The following RSRC1 variants were observed in gnomAD, a reference collection of about 807,000 sequenced individuals.
RSRC1 encodes the protein serine/Arginine-related protein 53.
Under a neutral mutation model 49.1 loss-of-function variants are expected in RSRC1, and 39 were observed. The observed-to-expected ratio is 0.79, with a 90% confidence interval of 0.61 to 1.04. The LOEUF (loss-of-function observed/expected upper bound fraction) is 1.04. Ranked by LOEUF, RSRC1 falls within the 50% of genes least tolerant of loss-of-function variation. RSRC1 has a pLI of 0.00. For synonymous variants in RSRC1, 143 were observed against 130.8 expected (o/e 1.09, Z -0.63); for missense variants, 388 against 402.4 (o/e 0.96, Z 0.31).
At chr3:158,187,672 A>G (rs1720005684) in intron 3 of RSRC1, among the ~76,000 whole-genome samples, 1 of 152,008 alleles carries the variant, frequency 6.6e-6, no homozygotes, top group Non-Finnish European at 1.5e-5. Flanking sequence ...TTTGACACCT[A>G]TGCTGATCTG....
At chr3:158,527,375 T>A (rs1019800442) in intron 7 of RSRC1, among the ~76,000 whole-genome samples, 2 of 151,930 alleles carry the variant, frequency 1.3e-5, no homozygotes, top group African/African-American at 2.4e-5. Context: ...GATTTTTTTT[T>A]AAATCTCCTT....
chr3:158,441,963 A>G (rs1039599218), intron 6 of RSRC1, among the ~76,000 whole-genome samples: 6 of 152,122 alleles, frequency 3.9e-5, no homozygotes, highest in Non-Finnish European at 8.8e-5. Flanking sequence ...CAAATCACAA[A>G]TTTTTTGATT....
intron 7 of RSRC1, among the ~76,000 whole-genome samples, chr3:158,510,174 G>C (rs1740079104): frequency 6.6e-6 from 1 of 152,090 alleles, no homozygotes; most frequent in South Asian, 2.1e-4. Flanking sequence ...ATCTGATTTT[G>C]ATTTGCAAGG....
At chr3:158,362,865 G>A (rs1215264181) in intron 6 of RSRC1, among the ~76,000 whole-genome samples, 3 of 152,156 alleles carry the variant, frequency 2.0e-5, no homozygotes, top group African/African-American at 7.2e-5. Flanking sequence ...TTTTTTATCA[G>A]TATGAGAAGA....
chr3:158,329,388 A>T (rs565052153), intron 5 of RSRC1, among the ~76,000 whole-genome samples: 5 of 151,898 alleles, frequency 3.3e-5, no homozygotes, highest in South Asian at 4.2e-4. Flanking sequence ...TTGGTTTTTC[A>T]TGATGGTGAC....
chr3:158,116,405 T>C (rs1714815630), intron 1 of RSRC1, among the ~76,000 whole-genome samples: 10 of 152,242 alleles, frequency 6.6e-5, no homozygotes, highest in Admixed American at 6.5e-4. Flanking sequence ...TTCTTCAATA[T>C]ATGGCAGAAG....
rs543658299 is a variant in RSRC1 at position 158,423,158 on chromosome 3, A to G, written c.584-37777A>G. 4.6e-5 allele frequency among the ~76,000 whole-genome samples: 7 copies of G among 152,140 alleles called. No homozygotes were observed. The South Asian group carries it at 1.0e-3, about 23-fold the overall frequency. ...AGACATGAAGTCCTTGCCCATGCCT[A>G]TGTCCTGAATGGTAATGCCTAGGTT... On this transcript the variant is annotated intron_variant, in intron 6 of 9. Coordinates refer to ENST00000611884, the MANE Select transcript of RSRC1 (RefSeq NM_001271838.2).
In RSRC1 at chr3:158,124,000, T is replaced by C. The variant is rs777786784; in HGVS notation, c.320+9T>C. ...AAAAGCAGAACAAGAAGGTATGCCT[T>C]ATTAAGTATTTATTGCTTTGTAACA... On this transcript the variant is annotated intron_variant, in intron 3 of 9. Coordinates refer to ENST00000611884, the MANE Select transcript of RSRC1 (RefSeq NM_001271838.2). 8 of 1,558,630 alleles carry C rather than the reference T, an allele frequency of 5.1e-6. No individual in the cohort carries two copies. In the African/African-American group the frequency reaches 1.1e-4, roughly 21 times the overall value.
intron 6 of RSRC1, among the ~76,000 whole-genome samples, chr3:158,364,793 G>GT (rs1320446998): frequency 1.4e-5 from 2 of 145,110 alleles, no homozygotes; most frequent in Non-Finnish European, 3.0e-5. Context: ...CTGAGCTTCA[G>GT]TTTTTTATTT....
At chr3:158,120,561 T>C (rs1201519896) in intron 1 of RSRC1, among the ~76,000 whole-genome samples, 6 of 144,678 alleles carry the variant, frequency 4.1e-5, no homozygotes, top group Non-Finnish European at 4.5e-5. Context: ...AATATATTAA[T>C]ATTAATATAT....
At chr3:158,267,330 A>G (rs1180048907) in intron 4 of RSRC1, among the ~76,000 whole-genome samples, 1 of 152,046 alleles carries the variant, frequency 6.6e-6, no homozygotes, top group Non-Finnish European at 1.5e-5. Flanking sequence ...ATTTTTGTTC[A>G]TGTTTAGCCA....
At chr3:158,299,189 T>C (rs967797826) in intron 5 of RSRC1, among the ~76,000 whole-genome samples, 3 of 152,060 alleles carry the variant, frequency 2.0e-5, no homozygotes, top group Admixed American at 1.3e-4. Flanking sequence ...TAATAGCACA[T>C]AGATTTAGGA....
rs1272414111 is a variant in RSRC1, at chr3:158,439,485, T to TA, written c.584-21444dup. ...TACACCATGGAATACTATGCAGCCA[T>TA]AAAAAAGGAGGAGTTCATGTCCTTT... On this transcript the variant is annotated intron_variant, in intron 6 of 9. Transcript: ENST00000611884. Among the ~76,000 whole-genome samples the TA allele has an allele frequency of 3.3e-5, 5 of 152,044 alleles. No homozygotes were observed. In the East Asian group the frequency reaches 7.7e-4, roughly 24 times the overall value.
chr3:158,246,429 G>T (rs1378110232), intron 4 of RSRC1, among the ~76,000 whole-genome samples: 1 of 151,832 alleles, frequency 6.6e-6, no homozygotes, highest in East Asian at 1.9e-4. Flanking sequence ...GTTATGTGTA[G>T]ATTTAATCCT....
At chr3:158,477,686 G>T (rs1157907413) in intron 7 of RSRC1, among the ~76,000 whole-genome samples, 2 of 151,230 alleles carry the variant, frequency 1.3e-5, no homozygotes, top group East Asian at 1.9e-4. Context: ...TTAGTGTGAT[G>T]TTCTGGAACC....
At chr3:158,149,613 A>G (rs1717395851) in intron 3 of RSRC1, among the ~76,000 whole-genome samples, 1 of 152,202 alleles carries the variant, frequency 6.6e-6, no homozygotes, top group Non-Finnish European at 1.5e-5. Flanking sequence ...GGAAGAGGGT[A>G]AATTATTTGA....
chr3:158,507,779 A>G (rs1560068868), intron 7 of RSRC1, among the ~76,000 whole-genome samples: 1 of 152,204 alleles, frequency 6.6e-6, no homozygotes, highest in Non-Finnish European at 1.5e-5. Context: ...CCAGTTTTTA[A>G]TCCAGGGCAT....
At chr3:158,502,289 C>T (rs1739643388) in intron 7 of RSRC1, among the ~76,000 whole-genome samples, 4 of 152,178 alleles carry the variant, frequency 2.6e-5, no homozygotes, top group Admixed American at 6.5e-5. Context: ...TCTCACAGCT[C>T]TTAAGATTCT....
At chr3:158,480,342 T>C (rs560785959) in intron 7 of RSRC1, among the ~76,000 whole-genome samples, 2 of 152,020 alleles carry the variant, frequency 1.3e-5, no homozygotes, top group African/African-American at 4.8e-5. Context: ...TGTATGTTTT[T>C]AAAGTTTTAT....
Sources: gnomAD v4.1 joint callset for allele counts (sites outside exome capture counted in the v4.1 genomes callset) on GRCh38, gnomAD v4.1.1 for gene constraint, MANE v1.5 for transcripts, NCBI Gene and HGNC (gene_info 2026-07-23, HGNC 2026-07-21) for gene names.